The following BPIFB4 variants were observed in gnomAD, a reference collection of about 807,000 sequenced individuals.
BPIFB4 encodes BPI fold-containing family B member 4.
A neutral mutation model predicts 69.2 loss-of-function variants in BPIFB4; 62 were observed. The observed-to-expected ratio is 0.90, with a 90% CI of 0.73 to 1.11. BPIFB4 has a LOEUF of 1.11. Ranked by LOEUF, BPIFB4 falls within the 50% of genes least tolerant of loss-of-function variation. The pLI is 0.00. For synonymous variants in BPIFB4, 330 were observed against 332.7 expected, an observed-to-expected ratio of 0.99 and a Z score of 0.09; for missense variants, 789 against 792.0, an observed-to-expected ratio of 1.00 and a Z score of 0.04.
chr20:33,092,188 T>C (rs1045241716), intron 10 of BPIFB4, among the ~76,000 whole-genome samples: 2 of 152,172 alleles, frequency 1.3e-5, no homozygotes, highest in African/African-American at 4.8e-5. Context: ...TGCATACATA[T>C]GCTAGTTCAT....
rs762323672 is a variant in BPIFB4, at chr20:33,100,505, T to C, written c.1637+12T>C. On this transcript the variant is annotated intron_variant, in intron 14 of 17. Coordinates refer to ENST00000375483, the MANE Select transcript of BPIFB4 (RefSeq NM_182519.3). ...GCCAAGCTGGAGAAGTAAGGGGCTATGCTGCCTTGGGGTCCTGACGGTGCT... is the reference window on the plus strand; with the variant it reads ...GCCAAGCTGGAGAAGTAAGGGGCTACGCTGCCTTGGGGTCCTGACGGTGCT... 1.2e-6 allele frequency: 2 copies of C among 1,605,592 alleles called. No homozygotes were observed. The highest frequency in any genetic ancestry group is 1.7e-5 in the Admixed American group (1 of 59,984).
chr20:33,089,317 G>A (rs1245763025), intron 8 of BPIFB4, among the ~76,000 whole-genome samples, 181 bp from the exon 9 acceptor site: 8 of 152,160 alleles, frequency 5.3e-5, no homozygotes, highest in Admixed American at 6.5e-5. Context: ...TCTGAACCTC[G>A]ATTTTCCCAT....
At chr20:33,093,916 T>C (rs1340115072) in intron 11 of BPIFB4, among the ~76,000 whole-genome samples, 1 of 152,218 alleles carries the variant, frequency 6.6e-6, no homozygotes, top group Non-Finnish European at 1.5e-5. Flanking sequence ...CCATTATCAA[T>C]CTATCTGTCT....
At chr20:33,102,863 G>C (rs941929120) in intron 14 of BPIFB4, 109 bp from the exon 15 acceptor site, 1 of 1,086,540 alleles carries the variant, frequency 9.2e-7, no homozygotes, top group Non-Finnish European at 1.4e-6. Context: ...TGCAGGTGGA[G>C]AGTGATCGTG....
chr20:33,111,657 AG>A lies in BPIFB4; in HGVS notation c.*224del. ...CTTCCATGGTCAGCCTGCCAGGAGG[AG>A]GGGAGTCACCTTGGGGCTGGAGGCC... On this transcript the variant is annotated 3_prime_UTR_variant, in exon 18 of 18. Coordinates refer to ENST00000375483, the MANE Select transcript of BPIFB4 (RefSeq NM_182519.3). 1.7e-6 allele frequency: 1 copy of A among 590,628 alleles called. No individual in the cohort carries two copies. The highest frequency in any genetic ancestry group is 3.0e-6 in the Non-Finnish European group (1 of 334,502). 36.6% of individuals were successfully genotyped at this position (590,628 alleles called of 1,614,324 possible).
In BPIFB4 at chr20:33,089,171, G is replaced by A. The variant is rs1282856721; in HGVS notation, c.990+142G>A. 7.6e-6 allele frequency: 10 copies of A among 1,319,004 alleles called. No individual in the cohort carries two copies. The South Asian group carries it at 8.3e-5, about 11-fold the overall frequency. The allele number at this position is 1,319,004 out of a possible 1,614,324, so 81.7% of individuals were successfully genotyped here. The stretch of plus-strand genomic sequence containing the variant: ...AAGGCCTGGGGCATGTATTTGGAGG[G>A]TCTGGGGAGGACCCTGAGGAACACG... On this transcript the variant is annotated intron_variant, in intron 8 of 17. Transcript: ENST00000375483.
chr20:33,084,633 T>A (rs1981361822), intron 5 of BPIFB4, among the ~76,000 whole-genome samples: 1 of 152,200 alleles, frequency 6.6e-6, no homozygotes, highest in African/African-American at 2.4e-5. Flanking sequence ...GGGAATGGCA[T>A]CTTGACATGC....
chr20:33,109,005 A>C (rs1300495181), intron 17 of BPIFB4, among the ~76,000 whole-genome samples: 1 of 151,982 alleles, frequency 6.6e-6, no homozygotes, highest in Non-Finnish European at 1.5e-5. Context: ...CACATTAGGG[A>C]GTCAGTCAAG....
chr20:33,096,598 C>G (rs1981761626), intron 12 of BPIFB4, among the ~76,000 whole-genome samples: 1 of 152,194 alleles, frequency 6.6e-6, no homozygotes. Flanking sequence ...TCAATTGGTT[C>G]TGATCATTCC....
intron 16 of BPIFB4, among the ~76,000 whole-genome samples, chr20:33,107,254 AAAG>A (rs1358725254): frequency 7.0e-6 from 1 of 141,958 alleles, no homozygotes; most frequent in African/African-American, 2.6e-5. Context: ...AAAGAAAAGA[AAAG>A]AAGAGAAAAG....
chr20:33,092,680 G>C, intron 11 of BPIFB4, 22 bp downstream of exon 11: 1 of 1,594,032 alleles, frequency 6.3e-7, no homozygotes, highest in Non-Finnish European at 8.5e-7. Flanking sequence ...CCCCACCAGG[G>C]GGAGGTGGCT....
chr20:33,089,696 G>A (rs1410674006), intron 9 of BPIFB4, 138 bp downstream of exon 9: 2 of 1,463,918 alleles, frequency 1.4e-6, no homozygotes, highest in Non-Finnish European at 1.8e-6. Context: ...CCACAAGGGA[G>A]GTGCCACCTG....
In BPIFB4 at chr20:33,085,014, T is replaced by C. The variant is rs745848138; in HGVS notation, c.782+18T>C. 1 of 1,606,810 alleles carries C rather than the reference T, an allele frequency of 6.2e-7. No individual in the cohort carries two copies. The highest frequency in any genetic ancestry group is 8.5e-7 in the Non-Finnish European group (1 of 1,178,324). On this transcript the variant is annotated intron_variant, in intron 6 of 17. Transcript: ENST00000375483. ...GGGAAGAGGTGCGTGCCCTTGGCCC[T>C]GGAGGGGTCCCCACCACCCTATGGC...
intron 14 of BPIFB4, among the ~76,000 whole-genome samples, chr20:33,100,825 G>A (rs1981888522): frequency 6.6e-6 from 1 of 152,228 alleles, no homozygotes; most frequent in Admixed American, 6.5e-5. Context: ...AGACCAGACT[G>A]AGAAACATAG....
intron 7 of BPIFB4, among the ~76,000 whole-genome samples, chr20:33,086,667 C>A (rs753850671): frequency 6.6e-6 from 1 of 152,192 alleles, no homozygotes; most frequent in African/African-American, 2.4e-5. Flanking sequence ...GTACGTCCAA[C>A]AGGGGTTGTG....
chr20:33,108,003 T>C (rs1022262835), intron 17 of BPIFB4, among the ~76,000 whole-genome samples, 183 bp downstream of exon 17: 1 of 152,150 alleles, frequency 6.6e-6, no homozygotes, highest in African/African-American at 2.4e-5. Flanking sequence ...TAAGGATCCT[T>C]GAAGACACTC....
At chr20:33,093,914 AATCT>A (rs569578763) in intron 11 of BPIFB4, among the ~76,000 whole-genome samples, 4 of 152,056 alleles carry the variant, frequency 2.6e-5, no homozygotes, top group South Asian at 2.1e-4. Flanking sequence ...ACCCATTATC[AATCT>A]ATCTGTCTGA....
chr20:33,111,480 ACCAGTC>A lies in BPIFB4; in HGVS notation c.*48_*53del. The A allele has an allele frequency of 6.2e-7, 1 of 1,612,872 alleles. No individual in the cohort carries two copies. The highest frequency in any genetic ancestry group is 8.5e-7 in the Non-Finnish European group (1 of 1,179,068). ...GCTGCTGCAACTGGAAGAAGCTGGAACCAGTCCCAGAGAGGCTCGGCCTGGAAACAG... is the reference window on the plus strand; with the variant it reads ...GCTGCTGCAACTGGAAGAAGCTGGAACCAGAGAGGCTCGGCCTGGAAACAG... On this transcript the variant is annotated 3_prime_UTR_variant, in exon 18 of 18. Transcript: ENST00000375483.
intron 17 of BPIFB4, 88 bp from the exon 18 acceptor site, chr20:33,111,326 G>A (rs1007953859): frequency 6.5e-7 from 1 of 1,547,774 alleles, no homozygotes; most frequent in Non-Finnish European, 8.9e-7. Context: ...CTAGAAACAT[G>A]ACCGGCCAGA....
Sources: allele counts gnomAD v4.1 joint callset (sites outside exome capture counted in the v4.1 genomes callset), GRCh38; gene constraint gnomAD v4.1.1; transcripts MANE v1.5; gene names NCBI Gene and HGNC (gene_info 2026-07-23, HGNC 2026-07-21).